OSBPL1A: variants seen among roughly 807,000 people sequenced by gnomAD.
The protein encoded by OSBPL1A is oxysterol-binding protein-related protein 1.
OSBPL1A carries 80 observed loss-of-function variants against 137.1 expected under a neutral mutation model. That is an observed-to-expected ratio of 0.58 (90% CI 0.49 to 0.70). The LOEUF (loss-of-function observed/expected upper bound fraction) is 0.70. Ranked by LOEUF, OSBPL1A falls within the 30% of genes least tolerant of loss-of-function variation. OSBPL1A has a pLI of 0.00. For missense variants in OSBPL1A, 970 were observed against 1,129.4 expected (o/e 0.86, Z 2.02); for synonymous variants, 365 against 389.7 (o/e 0.94, Z 0.75).
chr18:24,292,843 C>A (rs147523171), intron 14 of OSBPL1A, among the ~76,000 whole-genome samples: 8 of 152,066 alleles, frequency 5.3e-5, no homozygotes, highest in Non-Finnish European at 7.4e-5. Context: ...CAGTGGCTCA[C>A]GCCTGTAATC....
chr18:24,363,851 T>C (rs1445678096), intron 4 of OSBPL1A, among the ~76,000 whole-genome samples: 1 of 151,864 alleles, frequency 6.6e-6, no homozygotes, highest in African/African-American at 2.4e-5. Flanking sequence ...TTGCCCAGGC[T>C]GGTCTCAAAC....
At chr18:24,391,205 T>C (rs1030707472) in intron 1 of OSBPL1A, among the ~76,000 whole-genome samples, 1 of 152,162 alleles carries the variant, frequency 6.6e-6, no homozygotes, top group Non-Finnish European at 1.5e-5. Context: ...AAATATGGTA[T>C]GATTCCACTT....
chr18:24,167,921 G>A (rs1216100669), intron 24 of OSBPL1A, among the ~76,000 whole-genome samples: 1 of 152,164 alleles, frequency 6.6e-6, no homozygotes, highest in Non-Finnish European at 1.5e-5. Context: ...TGAACACAGT[G>A]TGGGAAGCCA....
chr18:24,334,425 A>C, intron 5 of OSBPL1A, 95 bp from the exon 6 acceptor site: 1 of 802,400 alleles, frequency 1.2e-6, no homozygotes, highest in Non-Finnish European at 1.9e-6. Flanking sequence ...AAAAACCAAA[A>C]TGTTTTGGAT....
At chr18:24,186,773 G>C (rs2086756226) in intron 18 of OSBPL1A, among the ~76,000 whole-genome samples, 1 of 151,858 alleles carries the variant, frequency 6.6e-6, no homozygotes, top group Non-Finnish European at 1.5e-5. Flanking sequence ...GCATGGTGGT[G>C]TGTGCTTGTA....
chr18:24,395,887 G>C (rs1446134815), intron 1 of OSBPL1A, among the ~76,000 whole-genome samples: 1 of 150,322 alleles, frequency 6.7e-6, no homozygotes, highest in African/African-American at 2.4e-5. Context: ...CTCCCAAAGT[G>C]CTGGGATTAC....
At chr18:24,177,019 T>G (rs2086468512) in intron 21 of OSBPL1A, among the ~76,000 whole-genome samples, 1 of 152,200 alleles carries the variant, frequency 6.6e-6, no homozygotes, top group South Asian at 2.1e-4. Context: ...CAACTAGGTC[T>G]TCTTCTGGGG....
chr18:24,383,479 C>T (rs192139542), intron 1 of OSBPL1A, among the ~76,000 whole-genome samples: 52 of 152,282 alleles, frequency 3.4e-4, no homozygotes, highest in Admixed American at 1.4e-3. Context: ...TCTATTGGGC[C>T]GGGTGCCTTG....
chr18:24,344,717 C>T (rs983489610), intron 4 of OSBPL1A, among the ~76,000 whole-genome samples: 4 of 152,010 alleles, frequency 2.6e-5, no homozygotes, highest in Admixed American at 6.6e-5. Context: ...AAAGTGCCGA[C>T]GTCCAGTGAA....
chr18:24,180,986 C>A (rs1001489648), intron 19 of OSBPL1A, among the ~76,000 whole-genome samples, 159 bp downstream of exon 19: 10 of 152,214 alleles, frequency 6.6e-5, no homozygotes, highest in African/African-American at 2.4e-4. Flanking sequence ...AATGGTGTCA[C>A]CCTAACCAGA....
intron 7 of OSBPL1A, among the ~76,000 whole-genome samples, chr18:24,330,382 A>C (rs1240632251): frequency 6.6e-6 from 1 of 152,222 alleles, no homozygotes; most frequent in East Asian, 1.9e-4. Flanking sequence ...ACTAGATTAT[A>C]ATGGTATTGT....
At position 24,198,859 on chromosome 18, in the gene OSBPL1A, T is replaced by G. The variant is rs566224121; in HGVS notation, c.1602-2659A>C. ...TCACTGTTGTTTTGGTGTTTTTTTTTGTTGTTTTTTTTTTTTGAGAGAGAG... is the reference window on the plus strand; with the variant it reads ...TCACTGTTGTTTTGGTGTTTTTTTTGGTTGTTTTTTTTTTTTGAGAGAGAG... On this transcript the variant is annotated intron_variant, in intron 17 of 27. Transcript: ENST00000319481. 1.2e-3 allele frequency among the ~76,000 whole-genome samples: 163 copies of G among 137,324 alleles called. 2 individuals carry two copies. The highest frequency in any genetic ancestry group is 4.5e-3 in the African/African-American group (161 of 36,024). The allele number at this position is 137,324 out of a possible 152,430, so 90.1% of individuals were successfully genotyped here. A position where few individuals can be genotyped will look rare whatever the true frequency, so the allele number is the denominator to read the frequency against.
At chr18:24,328,396 C>T (rs181513714) in intron 7 of OSBPL1A, among the ~76,000 whole-genome samples, 3 of 151,862 alleles carry the variant, frequency 2.0e-5, no homozygotes, top group Admixed American at 2.0e-4. Context: ...GCTTTTGTAA[C>T]TCTTAGTTTA....
chr18:24,329,091 T>C (rs1186044159), intron 7 of OSBPL1A, among the ~76,000 whole-genome samples: 1 of 152,070 alleles, frequency 6.6e-6, no homozygotes, highest in African/African-American at 2.4e-5. Context: ...TCAATAAAGC[T>C]CAGGTCCTAG....
At chr18:24,369,419 T>C (rs556039168) in intron 2 of OSBPL1A, among the ~76,000 whole-genome samples, 1 of 152,290 alleles carries the variant, frequency 6.6e-6, no homozygotes, top group South Asian at 2.1e-4. Context: ...CTGTAGCAAA[T>C]ACAGCCCTAT....
At chr18:24,178,218 A>G (rs1190518904) in intron 20 of OSBPL1A, 23 bp from the exon 21 acceptor site, 7 of 1,517,736 alleles carry the variant, frequency 4.6e-6, no homozygotes, top group East Asian at 4.6e-5. Context: ...AAAAAAAAAA[A>G]AAGAAAAAAA....
chr18:24,252,073 C>T (rs2089113946), intron 15 of OSBPL1A, among the ~76,000 whole-genome samples: 1 of 152,028 alleles, frequency 6.6e-6, no homozygotes, highest in African/African-American at 2.4e-5. Context: ...CCTACAAGAT[C>T]TAGGAAACAG....
chr18:24,338,643 C>T (rs182122320), intron 5 of OSBPL1A, among the ~76,000 whole-genome samples: 14 of 152,276 alleles, frequency 9.2e-5, no homozygotes, highest in Admixed American at 9.2e-4. Flanking sequence ...TTTCATTGTG[C>T]CTGCCTATGT....
chr18:24,172,664 T>C (rs949333002), intron 21 of OSBPL1A, among the ~76,000 whole-genome samples, 181 bp from the exon 22 acceptor site: 4 of 152,202 alleles, frequency 2.6e-5, no homozygotes, highest in Admixed American at 6.5e-5. Context: ...ATTTGCCCAT[T>C]CTTGTTTCTT....
Sources: allele counts gnomAD v4.1 joint callset (sites outside exome capture counted in the v4.1 genomes callset), GRCh38; gene constraint gnomAD v4.1.1; transcripts MANE v1.5; gene names NCBI Gene and HGNC (gene_info 2026-07-23, HGNC 2026-07-21).